Variants in HIRA observed in about 807,000 individuals in gnomAD.
HIRA encodes protein HIRA.
Under a neutral mutation model 126.6 loss-of-function variants are expected in HIRA, and 13 were observed. That is an observed-to-expected ratio of 0.10 (90% CI 0.07 to 0.16). The LOEUF (loss-of-function observed/expected upper bound fraction) is 0.16. Ranked by LOEUF, HIRA falls within the 10% of genes least tolerant of loss-of-function variation. HIRA has a pLI of 1.00. For synonymous variants in HIRA, 511 were observed against 520.0 expected, an observed-to-expected ratio of 0.98 and a Z score of 0.24; for missense variants, 834 against 1,314.4, an observed-to-expected ratio of 0.63 and a Z score of 5.65.
intron 15 of HIRA, among the ~76,000 whole-genome samples, chr22:19,374,984 G>A (rs2089004199): frequency 6.6e-6 from 1 of 152,204 alleles, no homozygotes; most frequent in Non-Finnish European, 1.5e-5. Flanking sequence ...GGCCCTCTCA[G>A]GAGGCAGAGA....
At chr22:19,349,824 CT>C (rs1197816017) in intron 24 of HIRA, among the ~76,000 whole-genome samples, 1 of 152,182 alleles carries the variant, frequency 6.6e-6, no homozygotes, top group African/African-American at 2.4e-5. Context: ...TTTCACCCTT[CT>C]GCTACCATCC....
chr22:19,388,357 C>A, intron 10 of HIRA, 127 bp downstream of exon 10: 1 of 677,856 alleles, frequency 1.5e-6, no homozygotes, highest in Non-Finnish European at 2.7e-6. Context: ...CACTCTTGGT[C>A]TGCGCTACTA....
intron 24 of HIRA, among the ~76,000 whole-genome samples, chr22:19,338,036 C>A (rs1213767463): frequency 2.0e-5 from 3 of 152,148 alleles, no homozygotes; most frequent in African/African-American, 7.2e-5. Context: ...AAATGATCCA[C>A]CCACCTTGGC....
chr22:19,410,854 A>G (rs2089346756), intron 1 of HIRA, 76 bp from the exon 2 acceptor site: 5 of 1,171,616 alleles, frequency 4.3e-6, no homozygotes, highest in Middle Eastern at 4.0e-4. Context: ...CAACAGATTC[A>G]GTTAAAGTCT....
At chr22:19,355,909 C>G (rs2088807501) in intron 20 of HIRA, 44 bp from the exon 21 acceptor site, 4 of 1,341,728 alleles carry the variant, frequency 3.0e-6, no homozygotes, top group Non-Finnish European at 3.2e-6. Flanking sequence ...CTCTGATCAG[C>G]AAGTGTTTTC....
chr22:19,364,596 A>G (rs1285799024), intron 15 of HIRA, among the ~76,000 whole-genome samples: 1 of 152,170 alleles, frequency 6.6e-6, no homozygotes, highest in African/African-American at 2.4e-5. Flanking sequence ...TGTTAGTATT[A>G]TAACTGTTTT....
intron 13 of HIRA, among the ~76,000 whole-genome samples, chr22:19,379,391 C>T (rs1164515934): frequency 6.6e-6 from 1 of 150,934 alleles, no homozygotes; most frequent in African/African-American, 2.4e-5. Flanking sequence ...CTTTGGCAGG[C>T]CGAGGCGGGT....
intron 24 of HIRA, among the ~76,000 whole-genome samples, chr22:19,344,984 G>A (rs1415504074): frequency 2.0e-5 from 3 of 152,056 alleles, no homozygotes; most frequent in Non-Finnish European, 4.4e-5. Flanking sequence ...AAACTATCTC[G>A]ACATAGTAAA....
At chr22:19,374,543 T>C (rs2088999609) in intron 15 of HIRA, among the ~76,000 whole-genome samples, 1 of 152,166 alleles carries the variant, frequency 6.6e-6, no homozygotes, top group South Asian at 2.1e-4. Flanking sequence ...GCATCAAACT[T>C]GCAGAAAGGG....
At chr22:19,416,797 T>C (rs1258834028) in intron 1 of HIRA, among the ~76,000 whole-genome samples, 1 of 152,198 alleles carries the variant, frequency 6.6e-6, no homozygotes, top group Non-Finnish European at 1.5e-5. Flanking sequence ...ATCTGCAAAT[T>C]ACATATCTGA....
chr22:19,428,252 A>G (rs1479625565), intron 1 of HIRA, among the ~76,000 whole-genome samples: 1 of 152,166 alleles, frequency 6.6e-6, no homozygotes, highest in Non-Finnish European at 1.5e-5. Context: ...GTGCTTCTCA[A>G]TTGGGGGTGA....
Position 19,385,575 on chromosome 22 carries a change from T to A in HIRA, c.1275A>T (p.Ser425=). 6.2e-7 allele frequency: 1 copy of A among 1,614,196 alleles called. No homozygotes were observed. The highest frequency in any genetic ancestry group is 8.5e-7 in the Non-Finnish European group (1 of 1,180,046). Residue 425 remains serine (S), a synonymous_variant, in exon 12 of 25, where the codon TCA becomes TCT. Coordinates refer to ENST00000263208, the MANE Select transcript of HIRA (RefSeq NM_003325.4). ...TGACAACGCCTGCGACTGAGGTGGCTGAGCCCATCTCCCTGGTCGCAGCAC... is the reference window on the plus strand; with the variant it reads ...TGACAACGCCTGCGACTGAGGTGGCAGAGCCCATCTCCCTGGTCGCAGCAC... ...QKSAATREMG[S]ATSVAGVVNG...
At chr22:19,426,274 C>T (rs1288780012) in intron 1 of HIRA, among the ~76,000 whole-genome samples, 1 of 152,188 alleles carries the variant, frequency 6.6e-6, no homozygotes, top group Non-Finnish European at 1.5e-5. Flanking sequence ...CCTCAATGTT[C>T]TCCTCTCTCC....
chr22:19,362,497 T>TA (rs1341254120), intron 15 of HIRA, among the ~76,000 whole-genome samples: 1 of 152,068 alleles, frequency 6.6e-6, no homozygotes, highest in Admixed American at 6.6e-5. Context: ...GAGCAATCAC[T>TA]AAAAAAAATT....
chr22:19,378,165 T>A, intron 13 of HIRA, 99 bp from the exon 14 acceptor site: 1 of 817,480 alleles, frequency 1.2e-6, no homozygotes, highest in Non-Finnish European at 1.8e-6. Flanking sequence ...AAAGGCAGTA[T>A]GTTTTCATGA....
chr22:19,414,425 T>C (rs1030054309), intron 1 of HIRA, among the ~76,000 whole-genome samples: 1 of 152,124 alleles, frequency 6.6e-6, no homozygotes, highest in African/African-American at 2.4e-5. Context: ...GAGGGCACAA[T>C]GGAGAGCTGC....
chr22:19,415,970 G>A (rs1043632795), intron 1 of HIRA, among the ~76,000 whole-genome samples: 4 of 152,108 alleles, frequency 2.6e-5, no homozygotes, highest in East Asian at 1.9e-4. Flanking sequence ...TGAGGATCTC[G>A]CATTTCCTTA....
chr22:19,414,977 ACT>A (rs1356914202), intron 1 of HIRA, among the ~76,000 whole-genome samples: 1 of 146,304 alleles, frequency 6.8e-6, no homozygotes, highest in Non-Finnish European at 1.5e-5. Flanking sequence ...ACGAAATCTC[ACT>A]CTGTCACCCA....
Position 19,375,707 on chromosome 22 carries a change from A to C in HIRA, c.1699T>G (p.Ser567Ala). The C allele has an allele frequency of 6.2e-7, 1 of 1,614,136 alleles. No homozygotes were observed. The highest frequency in any genetic ancestry group is 1.1e-5 in the South Asian group (1 of 91,086). ...GCTTTGGACCGCTCTGTGAACCGGG[A>C]GTCAAACGCTTTCATGGGTTCGATC... The part of the protein sequence containing the change: ...SKIEPMKAFD[S>A]RFTERSKATP... The change falls in exon 15 of 25, where the codon TCC becomes GCC. Residue 567 changes from serine to alanine, a missense_variant. Ser to Ala is a moderately conservative substitution (Grantham distance 99). Transcript: ENST00000263208.
Sources: allele counts gnomAD v4.1 joint callset (sites outside exome capture counted in the v4.1 genomes callset), GRCh38; gene constraint gnomAD v4.1.1; transcripts MANE v1.5; gene names NCBI Gene and HGNC (gene_info 2026-07-23, HGNC 2026-07-21).